The following ARID5B variants were observed in gnomAD, a reference collection of about 807,000 sequenced individuals.
ARID5B encodes the protein AT-rich interaction domain 5B, also known as AT-rich interactive domain-containing protein 5B.
ARID5B carries 13 observed loss-of-function variants against 97.2 expected under a neutral mutation model. The ratio of observed to expected loss-of-function variants is 0.13; its 90% confidence interval spans 0.09 to 0.21. The LOEUF is 0.21. Ranked by LOEUF, ARID5B falls within the 10% of genes least tolerant of loss-of-function variation. ARID5B has a pLI of 1.00. For missense variants in ARID5B, 1,210 were observed against 1,465.3 expected, an observed-to-expected ratio of 0.83 and a Z score of 2.84; for synonymous variants, 556 against 570.3, an observed-to-expected ratio of 0.97 and a Z score of 0.36.
intron 2 of ARID5B, among the ~76,000 whole-genome samples, chr10:61,904,017 A>G (rs1345363739): frequency 6.6e-6 from 1 of 150,864 alleles, no homozygotes; most frequent in Admixed American, 6.6e-5. Context: ...CAACAGGTTG[A>G]GCTCTTTCCC....
At chr10:62,040,203 C>T (rs1367878733) in intron 4 of ARID5B, among the ~76,000 whole-genome samples, 1 of 152,138 alleles carries the variant, frequency 6.6e-6, no homozygotes, top group African/African-American at 2.4e-5. Flanking sequence ...TTTACTTTGA[C>T]ATCTTAGTTA....
chr10:62,018,082 C>T (rs1839306282), intron 4 of ARID5B, among the ~76,000 whole-genome samples: 2 of 152,136 alleles, frequency 1.3e-5, no homozygotes, highest in African/African-American at 4.8e-5. Context: ...CAAAAATAAT[C>T]GGGTTTTCTA....
At chr10:62,039,812 A>G (rs961184500) in intron 4 of ARID5B, among the ~76,000 whole-genome samples, 11 of 152,228 alleles carry the variant, frequency 7.2e-5, no homozygotes, top group African/African-American at 2.7e-4. Flanking sequence ...TCAATGAATA[A>G]TCTCATATTT....
intron 2 of ARID5B, among the ~76,000 whole-genome samples, chr10:61,918,829 T>TAA (rs1843955460): frequency 1.3e-5 from 2 of 151,460 alleles, no homozygotes; most frequent in African/African-American, 2.4e-5. Flanking sequence ...AGGTTAGGAG[T>TAA]TTGTGACCAG....
intron 3 of ARID5B, among the ~76,000 whole-genome samples, chr10:61,988,514 A>G (rs919264670): frequency 4.6e-5 from 7 of 152,220 alleles, no homozygotes; most frequent in Admixed American, 1.3e-4. Context: ...AATCTCTACT[A>G]AAATAACTAT....
At chr10:61,958,660 C>T (rs1437789542) in intron 3 of ARID5B, among the ~76,000 whole-genome samples, 2 of 152,204 alleles carry the variant, frequency 1.3e-5, no homozygotes, top group Admixed American at 6.5e-5. Context: ...TCAGCTCTGA[C>T]TTAGATTTTC....
chr10:62,053,385 A>G (rs1266911023), intron 5 of ARID5B, among the ~76,000 whole-genome samples: 1 of 152,220 alleles, frequency 6.6e-6, no homozygotes, highest in Non-Finnish European at 1.5e-5. Context: ...GCCGGTCGCC[A>G]TCAAAACGTT....
At chr10:61,923,582 G>A (rs1844053520) in intron 2 of ARID5B, among the ~76,000 whole-genome samples, 1 of 152,210 alleles carries the variant, frequency 6.6e-6, no homozygotes, top group Non-Finnish European at 1.5e-5. Context: ...TTAGCTAAGG[G>A]CTTACGTTTA....
At chr10:62,086,801 C>T (rs2132979124) in intron 9 of ARID5B, among the ~76,000 whole-genome samples, 1 of 151,306 alleles carries the variant, frequency 6.6e-6, no homozygotes, top group African/African-American at 2.4e-5. Context: ...GTAAAGTCTG[C>T]AGTGAGCTGT....
intron 3 of ARID5B, among the ~76,000 whole-genome samples, chr10:61,990,101 T>C (rs1838902909): frequency 6.6e-6 from 1 of 152,218 alleles, no homozygotes; most frequent in African/African-American, 2.4e-5. Flanking sequence ...ATTCACCATT[T>C]TGAAGACCAC....
Position 62,093,290 on chromosome 10 carries a change from G to A in ARID5B, c.*260G>A, listed in dbSNP as rs1224828202. 1 of 396,212 alleles carries A rather than the reference G, an allele frequency of 2.5e-6. No individual in the cohort carries two copies. The highest frequency in any genetic ancestry group is 7.0e-5 in the South Asian group (1 of 14,212). 24.5% of individuals were successfully genotyped at this position (396,212 alleles called of 1,614,324 possible). A position where few individuals can be genotyped will look rare whatever the true frequency, so the allele number is the denominator to read the frequency against. On this transcript the variant is annotated 3_prime_UTR_variant, in exon 10 of 10. Coordinates refer to ENST00000279873, the MANE Select transcript of ARID5B (RefSeq NM_032199.3). ...CACCTCCAGATCATTCACTTCGCAC[G>A]TGGGCCTTGTGAAGGGATTTGTGAA...
At chr10:62,049,376 C>CATCCA in intron 4 of ARID5B, 1 of 1,547,970 alleles carries the variant, frequency 6.5e-7, no homozygotes, top group Non-Finnish European at 8.7e-7. Context: ...GGGAAGCTGA[C>CATCCA]ATCCACACCA....
At chr10:61,902,673 ATG>A (rs59459790) in intron 2 of ARID5B, among the ~76,000 whole-genome samples, 42,205 of 148,000 alleles carry the variant, frequency 0.29, 5,937 homozygotes, top group Non-Finnish European at 0.32. Context: ...TTGTTCAAGG[ATG>A]TGTGTGTGTG....
At chr10:62,051,658 T>C (rs961865398) in intron 5 of ARID5B, among the ~76,000 whole-genome samples, 1 of 152,244 alleles carries the variant, frequency 6.6e-6, no homozygotes, top group South Asian at 2.1e-4. Context: ...AGTGCATGCA[T>C]GCCTGAAGTA....
intron 2 of ARID5B, among the ~76,000 whole-genome samples, chr10:61,915,821 T>C (rs1182532530): frequency 6.6e-6 from 1 of 152,184 alleles, no homozygotes; most frequent in Non-Finnish European, 1.5e-5. Context: ...AATGGCACGA[T>C]CTCAGCTCAC....
At chr10:61,936,386 G>A (rs1442665692) in intron 2 of ARID5B, among the ~76,000 whole-genome samples, 2 of 152,260 alleles carry the variant, frequency 1.3e-5, no homozygotes, top group East Asian at 1.9e-4. Flanking sequence ...GGGAGGCCAA[G>A]GCAGGCAGAT....
intron 3 of ARID5B, among the ~76,000 whole-genome samples, chr10:61,990,922 C>T (rs1182121255): frequency 1.3e-5 from 2 of 152,104 alleles, no homozygotes; most frequent in Non-Finnish European, 1.5e-5. Flanking sequence ...TTCCTTCCAA[C>T]CCTCCTAGAC....
chr10:62,008,331 C>A (rs1051600458), intron 4 of ARID5B, among the ~76,000 whole-genome samples: 4 of 152,178 alleles, frequency 2.6e-5, no homozygotes, highest in African/African-American at 2.4e-5. Flanking sequence ...AATCAGCATA[C>A]GTGCTCAGTG....
intron 8 of ARID5B, among the ~76,000 whole-genome samples, chr10:62,075,532 G>A (rs1840118850): frequency 6.6e-6 from 1 of 152,218 alleles, no homozygotes; most frequent in South Asian, 2.1e-4. Flanking sequence ...ACCCTCTGTG[G>A]CTTCCCATTG....
Sources: gnomAD v4.1 joint callset for allele counts (sites outside exome capture counted in the v4.1 genomes callset) on GRCh38, gnomAD v4.1.1 for gene constraint, MANE v1.5 for transcripts, NCBI Gene and HGNC (gene_info 2026-07-23, HGNC 2026-07-21) for gene names.